AKAP19: variants seen among roughly 807,000 people sequenced by gnomAD.
AKAP19 encodes the protein A-kinase anchoring protein 19.
At chr2:190,122,893 T>G in the AKAP19 span, among the ~76,000 whole-genome samples, 1 of 152,002 alleles carries the variant, frequency 6.6e-6, no homozygotes, top group African/African-American at 2.4e-5. Context: ...CACTGCAACC[T>G]TGAACACTTG....
At chr2:190,201,851 T>C in the AKAP19 span, 1 of 167,024 alleles carries the variant, frequency 6.0e-6, no homozygotes, top group Admixed American at 6.5e-5. Flanking sequence ...GTATAAAACA[T>C]TTCCAGGTCA....
At chr2:190,186,308 C>CATACCG in the AKAP19 span, among the ~76,000 whole-genome samples, 5 of 152,278 alleles carry the variant, frequency 3.3e-5, no homozygotes, top group South Asian at 1.0e-3. This position sits in a 1 kb window ranked among gnomAD's most constrained non-coding sequence, Gnocchi z 5.5. Context: ...AAAATCATAC[C>CATACCG]ATACCGCTTT....
chr2:190,002,403 T>C, the AKAP19 span, among the ~76,000 whole-genome samples: 1 of 152,170 alleles, frequency 6.6e-6, no homozygotes, highest in African/African-American at 2.4e-5. Flanking sequence ...TTTCTATTCA[T>C]TGTGGGGAAC....
the AKAP19 span, among the ~76,000 whole-genome samples, chr2:190,033,010 C>A: frequency 6.6e-6 from 1 of 151,994 alleles, no homozygotes; most frequent in African/African-American, 2.4e-5. Context: ...CCTTTCCTAG[C>A]GGTAGCAAGT....
chr2:189,943,598 G>T, the AKAP19 span, among the ~76,000 whole-genome samples: 29,972 of 152,182 alleles, frequency 0.2, 3,086 homozygotes, highest in African/African-American at 0.27. Context: ...GGAGGCCATT[G>T]TCCTCCAGAC....
At chr2:190,191,544 T>A in the AKAP19 span, among the ~76,000 whole-genome samples, 1 of 152,322 alleles carries the variant, frequency 6.6e-6, no homozygotes, top group South Asian at 2.1e-4. Flanking sequence ...TCCAACTTTG[T>A]GAGAAACTGC....
chr2:189,978,549 G>A, the AKAP19 span, among the ~76,000 whole-genome samples: 12 of 152,154 alleles, frequency 7.9e-5, no homozygotes, highest in African/African-American at 1.7e-4. Context: ...CCTTGGAGGC[G>A]AAGTTTGCAG....
the AKAP19 span, among the ~76,000 whole-genome samples, chr2:189,982,462 A>G: frequency 6.6e-6 from 1 of 151,846 alleles, no homozygotes; most frequent in Admixed American, 6.6e-5. Flanking sequence ...GTTTCTTTGC[A>G]ATCCATATTT....
the AKAP19 span, among the ~76,000 whole-genome samples, chr2:190,154,697 A>G: frequency 6.6e-6 from 1 of 152,356 alleles, no homozygotes; most frequent in South Asian, 2.1e-4. Flanking sequence ...GACTTATTTC[A>G]TGCACACAAA....
the AKAP19 span, among the ~76,000 whole-genome samples, chr2:189,982,018 C>T: frequency 6.9e-6 from 1 of 145,136 alleles, no homozygotes; most frequent in African/African-American, 2.6e-5. Flanking sequence ...TGCAGGTGTG[C>T]TTTAAATTTC....
At chr2:190,060,679 G>A in the AKAP19 span, among the ~76,000 whole-genome samples, 1 of 151,966 alleles carries the variant, frequency 6.6e-6, no homozygotes, top group East Asian at 1.9e-4. Context: ...TCCCCTTCCA[G>A]AGAACTATGG....
chr2:190,038,913 C>CT, the AKAP19 span, among the ~76,000 whole-genome samples: 563 of 113,518 alleles, frequency 5.0e-3, 12 homozygotes, highest in African/African-American at 0.024. Context: ...TCTTCTTCTT[C>CT]TTCTTCTTCT....
chr2:190,188,246 A>T, the AKAP19 span, among the ~76,000 whole-genome samples: 128 of 152,270 alleles, frequency 8.4e-4, 1 homozygote, highest in East Asian at 0.021. Flanking sequence ...CTCAATATAG[A>T]CTGGTTGGAT....
the AKAP19 span, among the ~76,000 whole-genome samples, chr2:189,961,474 A>T: frequency 6.6e-6 from 1 of 152,176 alleles, no homozygotes; most frequent in African/African-American, 2.4e-5. Flanking sequence ...ATACTAAAAG[A>T]TACACCATTC....
At chr2:189,879,684 G>C in the AKAP19 span, 1 of 152,284 alleles carries the variant, frequency 6.6e-6, no homozygotes, top group Non-Finnish European at 1.5e-5. Context: ...TGGAGGTAAC[G>C]GCTGCTGCGG....
chr2:190,172,001 G>A, the AKAP19 span, among the ~76,000 whole-genome samples: 3 of 152,150 alleles, frequency 2.0e-5, no homozygotes, highest in Admixed American at 6.5e-5. Context: ...AATTTTCAAC[G>A]GGTGTCTGTT....
the AKAP19 span, among the ~76,000 whole-genome samples, chr2:190,094,360 G>C: frequency 6.6e-6 from 1 of 152,180 alleles, no homozygotes; most frequent in Non-Finnish European, 1.5e-5. Context: ...CTATGAGGCT[G>C]ATACTGTTAC....
At chr2:190,060,918 A>T in the AKAP19 span, among the ~76,000 whole-genome samples, 16 of 152,122 alleles carry the variant, frequency 1.1e-4, no homozygotes, top group Admixed American at 1.1e-3. Context: ...AGCCTCAGGA[A>T]TTAGTAGAAA....
At chr2:190,016,303 A>C in the AKAP19 span, among the ~76,000 whole-genome samples, 2 of 152,210 alleles carry the variant, frequency 1.3e-5, no homozygotes, top group African/African-American at 4.8e-5. Context: ...GGAAACTTAC[A>C]ATCATGGCAG....
Sources: allele counts gnomAD v4.1 joint callset (sites outside exome capture counted in the v4.1 genomes callset), GRCh38; gene constraint gnomAD v4.1.1; non-coding constraint Gnocchi (gnomAD v3.1); transcripts MANE v1.5; gene names NCBI Gene and HGNC (gene_info 2026-07-23, HGNC 2026-07-21).